Variants in RAB38 observed in about 807,000 individuals in gnomAD.
RAB38 encodes RAB38, member RAS oncogene family.
RAB38 carries 15 observed loss-of-function variants against 18.4 expected under a neutral mutation model. The observed-to-expected ratio is 0.82, with a 90% CI of 0.55 to 1.26. RAB38 has a LOEUF of 1.26. Among genes scored for constraint, RAB38 ranks in the 50% most tolerant of loss-of-function variants. The pLI, the probability that RAB38 is intolerant of heterozygous loss-of-function variation, is 0.00. For missense variants in RAB38, 294 were observed against 267.4 expected (o/e 1.10, Z -0.69); for synonymous variants, 101 against 104.4 (o/e 0.97, Z 0.20).
At chr11:88,149,574 TAAAC>T in intron 2 of RAB38, 97 bp downstream of exon 2, 1 of 1,385,388 alleles carries the variant, frequency 7.2e-7, no homozygotes, top group Admixed American at 2.3e-5. Context: ...CATACATCAC[TAAAC>T]AAACATATTA....
the RAB38 span, among the ~76,000 whole-genome samples, chr11:87,972,412 C>A: frequency 1.6e-4 from 24 of 152,158 alleles, no homozygotes; most frequent in East Asian, 4.3e-3. Context: ...ACTCACTTTA[C>A]AGAGCACTGA....
At chr11:87,880,530 T>A in the RAB38 span, among the ~76,000 whole-genome samples, 59 of 151,938 alleles carry the variant, frequency 3.9e-4, no homozygotes, top group African/African-American at 1.3e-3. Flanking sequence ...GTGGGGTTTG[T>A]TTTTTTGCCA....
the RAB38 span, among the ~76,000 whole-genome samples, chr11:87,874,663 A>T: frequency 3.3e-5 from 5 of 149,932 alleles, no homozygotes; most frequent in East Asian, 2.0e-4. Context: ...TATATATATA[A>T]AATAATAAAA....
the RAB38 span, among the ~76,000 whole-genome samples, chr11:88,056,832 A>AATAAATAAATAC: frequency 6.6e-4 from 30 of 45,556 alleles, no homozygotes; most frequent in East Asian, 1.7e-3. Flanking sequence ...TAAATAAATA[A>AATAAATAAATAC]ATACATACAT....
the RAB38 span, among the ~76,000 whole-genome samples, chr11:88,029,447 G>C: frequency 6.6e-6 from 1 of 152,078 alleles, no homozygotes; most frequent in Non-Finnish European, 1.5e-5. Context: ...ATTGGATAAA[G>C]AGTCAAGACC....
At chr11:87,866,562 G>A in the RAB38 span, among the ~76,000 whole-genome samples, 1 of 151,702 alleles carries the variant, frequency 6.6e-6, no homozygotes, top group African/African-American at 2.4e-5. Context: ...CCTCTGTGAT[G>A]TATACTTATC....
chr11:87,814,545 T>C, the RAB38 span, among the ~76,000 whole-genome samples: 2 of 152,136 alleles, frequency 1.3e-5, no homozygotes, highest in African/African-American at 2.4e-5. Flanking sequence ...ACTGACATGG[T>C]AAAGTGTGTG....
chr11:88,073,998 AC>A, the RAB38 span, among the ~76,000 whole-genome samples: 3 of 151,812 alleles, frequency 2.0e-5, no homozygotes, highest in Admixed American at 6.5e-5. Context: ...AGAAAAAAAA[AC>A]ATACTTAAAA....
the RAB38 span, among the ~76,000 whole-genome samples, chr11:88,073,463 A>G: frequency 6.6e-6 from 1 of 152,204 alleles, no homozygotes; most frequent in Non-Finnish European, 1.5e-5. Context: ...ATCTAATACC[A>G]AAAAGAAGAC....
chr11:88,157,109 G>C (rs1367512683), intron 1 of RAB38, among the ~76,000 whole-genome samples: 1 of 152,100 alleles, frequency 6.6e-6, no homozygotes, highest in Non-Finnish European at 1.5e-5. Flanking sequence ...CATCTCACAT[G>C]TAATGACACC....
rs1049177533 is a variant in RAB38, at chr11:88,159,450, C to G, written c.203-9495G>C. The stretch of plus-strand genomic sequence containing the variant: ...ATCCAATGCCATTCCTATCAATCTA[C>G]CAACATCATTTTTCACAGAACTAGA... On this transcript the variant is annotated intron_variant, in intron 1 of 2. Coordinates refer to ENST00000243662, the MANE Select transcript of RAB38 (RefSeq NM_022337.3). Among the ~76,000 whole-genome samples the G allele has an allele frequency of 1.4e-4, 22 of 151,732 alleles. 1 individual carries two copies. Among genetic ancestry groups the G allele is most frequent in the Admixed American group, 6.6e-4 (10 of 15,224 alleles).
chr11:87,873,922 G>GTATATATATATATATATGTATATATATA, the RAB38 span, among the ~76,000 whole-genome samples: 1 of 103,122 alleles, frequency 9.7e-6, no homozygotes, highest in Non-Finnish European at 1.9e-5. Flanking sequence ...GTGTGTGTGT[G>GTATATATATATATATATGTATATATATA]TATATATATA....
chr11:87,955,760 G>A, the RAB38 span, among the ~76,000 whole-genome samples: 10 of 152,136 alleles, frequency 6.6e-5, 1 homozygote, highest in South Asian at 2.1e-3. Flanking sequence ...ATCCGAAAGT[G>A]AATATTTTCT....
At chr11:87,833,657 A>G in the RAB38 span, among the ~76,000 whole-genome samples, 1 of 152,220 alleles carries the variant, frequency 6.6e-6, no homozygotes, top group Non-Finnish European at 1.5e-5. Context: ...TTCATTTTAC[A>G]GGTGAAGAAA....
At chr11:87,937,659 A>C in the RAB38 span, among the ~76,000 whole-genome samples, 1 of 151,886 alleles carries the variant, frequency 6.6e-6, no homozygotes, top group Non-Finnish European at 1.5e-5. Context: ...GAGTGGTGGT[A>C]GTTTATGTTT....
the RAB38 span, among the ~76,000 whole-genome samples, chr11:87,854,159 A>G: frequency 2.6e-5 from 4 of 152,278 alleles, no homozygotes; most frequent in African/African-American, 9.6e-5. Flanking sequence ...TTTTTGCCAT[A>G]TAAGGTGATA....
chr11:87,892,376 T>C, the RAB38 span, among the ~76,000 whole-genome samples: 2 of 151,856 alleles, frequency 1.3e-5, no homozygotes, highest in Non-Finnish European at 2.9e-5. Flanking sequence ...CACTGTGTTA[T>C]TTACAGGGCT....
chr11:87,976,830 TATAA>T, the RAB38 span, among the ~76,000 whole-genome samples: 617 of 71,122 alleles, frequency 8.7e-3, 110 homozygotes, highest in African/African-American at 0.041. Flanking sequence ...CAATGTATAA[TATAA>T]ATATATATTG....
chr11:87,902,822 ATATT>A, the RAB38 span, among the ~76,000 whole-genome samples: 1 of 150,924 alleles, frequency 6.6e-6, no homozygotes, highest in East Asian at 2.0e-4. Context: ...CTGACAATAT[ATATT>A]TAGATAGATT....
Sources: allele counts gnomAD v4.1 joint callset (sites outside exome capture counted in the v4.1 genomes callset), GRCh38; gene constraint gnomAD v4.1.1; transcripts MANE v1.5; gene names NCBI Gene and HGNC (gene_info 2026-07-23, HGNC 2026-07-21).